The following MAGI1 variants were observed in gnomAD, a reference collection of about 807,000 sequenced individuals.
MAGI1 encodes the protein membrane-associated guanylate kinase, WW and PDZ domain-containing protein 1.
A neutral mutation model predicts 139.9 loss-of-function variants in MAGI1; 58 were observed. The observed-to-expected ratio is 0.41, with a 90% CI of 0.34 to 0.52. The LOEUF (loss-of-function observed/expected upper bound fraction) is 0.52, where lower values mean the gene tolerates loss of function less well. MAGI1 is among the 20% of genes least tolerant of loss of function. The pLI, the probability that MAGI1 is intolerant of heterozygous loss-of-function variation, is 0.12. For missense variants in MAGI1, 1,874 were observed against 1,901.6 expected (o/e 0.99, Z 0.27); for synonymous variants, 812 against 737.9 (o/e 1.10, Z -1.63).
chr3:65,517,825 C>T (rs574227672), intron 2 of MAGI1, among the ~76,000 whole-genome samples: 2 of 152,244 alleles, frequency 1.3e-5, no homozygotes, highest in Middle Eastern at 6.8e-3. Flanking sequence ...AAGTTATTTC[C>T]TTTGTGTGAC....
intron 1 of MAGI1, among the ~76,000 whole-genome samples, chr3:65,866,144 T>C (rs1281027549): frequency 6.6e-6 from 1 of 151,380 alleles, no homozygotes; most frequent in African/African-American, 2.4e-5. Flanking sequence ...ATGTAAATTA[T>C]ATAAAATATA....
intron 1 of MAGI1, among the ~76,000 whole-genome samples, chr3:65,817,315 T>C (rs2041666938): frequency 6.6e-6 from 1 of 152,232 alleles, no homozygotes; most frequent in East Asian, 1.9e-4. Flanking sequence ...AATTTAGAAA[T>C]GCTCTGCAGT....
intron 7 of MAGI1, among the ~76,000 whole-genome samples, chr3:65,445,853 G>A (rs766803421): frequency 1.3e-5 from 2 of 152,292 alleles, no homozygotes; most frequent in South Asian, 2.1e-4. Flanking sequence ...ATTACAAAGA[G>A]GGTTTCCTTG....
intron 2 of MAGI1, among the ~76,000 whole-genome samples, chr3:65,610,604 C>G (rs901440875): frequency 6.6e-6 from 1 of 151,064 alleles, no homozygotes; most frequent in Non-Finnish European, 1.5e-5. Flanking sequence ...GAATATGTAT[C>G]CCTCAAGTCA....
chr3:65,947,173 A>T (rs151001423), intron 1 of MAGI1, among the ~76,000 whole-genome samples: 2,222 of 152,276 alleles, frequency 0.015, 30 homozygotes, highest in East Asian at 0.042. Context: ...TTCTTCAAGG[A>T]AAGAGGATCC....
chr3:65,857,432 T>C lies in MAGI1; in HGVS notation c.313+180564A>G, dbSNP rs76518183. Among the ~76,000 whole-genome samples, 671 of 152,326 alleles carry C rather than the reference T, an allele frequency of 4.4e-3. 5 individuals are homozygous for C. Among genetic ancestry groups the C allele is most frequent in the African/African-American group, 0.015 (631 of 41,576 alleles). ...AATCAGAAGACTTTCTTAGCTATTC[T>C]CTAATTTACAACTGCTAATCTTTGC... On this transcript the variant is annotated intron_variant, in intron 1 of 22. Transcript: ENST00000402939.
chr3:65,433,308 C>T (rs1251273700), intron 10 of MAGI1, among the ~76,000 whole-genome samples: 1 of 151,942 alleles, frequency 6.6e-6, no homozygotes, highest in African/African-American at 2.4e-5. Context: ...TGAAAATGTG[C>T]CTGGCAGTTT....
At chr3:66,003,590 T>A (rs1235295499) in intron 1 of MAGI1, among the ~76,000 whole-genome samples, 3 of 150,568 alleles carry the variant, frequency 2.0e-5, no homozygotes, top group African/African-American at 7.3e-5. Context: ...CCTGAGTAGC[T>A]GGGATTACAG....
rs1164751227 is a variant in MAGI1 at position 65,353,832 on chromosome 3, TA to T, written c.*2545del. ...AAGGTTACAGCAGTTCAAAGAAAAC[TA>T]TATCTTTCTGCATAATGCATAGTCC... On this transcript the variant is annotated 3_prime_UTR_variant, in exon 23 of 23. Transcript: ENST00000402939. 1.3e-5 allele frequency: 2 copies of T among 152,204 alleles called. No homozygotes were observed. Among genetic ancestry groups the T allele is most frequent in the Non-Finnish European group, 2.9e-5 (2 of 68,046 alleles). The allele number at this position is 152,204 out of a possible 1,614,324, so 9.4% of individuals were successfully genotyped here. A position where few individuals can be genotyped will look rare whatever the true frequency, so the allele number is the denominator to read the frequency against.
intron 2 of MAGI1, among the ~76,000 whole-genome samples, chr3:65,522,198 A>G (rs1393150571): frequency 6.6e-6 from 1 of 152,190 alleles, no homozygotes; most frequent in East Asian, 1.9e-4. Flanking sequence ...CAACCCAATT[A>G]AAAAGAATTC....
intron 21 of MAGI1, among the ~76,000 whole-genome samples, chr3:65,362,967 C>G (rs1297069233): frequency 6.6e-6 from 1 of 152,214 alleles, no homozygotes; most frequent in Non-Finnish European, 1.5e-5. Context: ...ATTCATGCCA[C>G]AGAGCCCTGG....
chr3:65,546,284 GT>G (rs2079505871), intron 2 of MAGI1, among the ~76,000 whole-genome samples: 1 of 152,112 alleles, frequency 6.6e-6, no homozygotes, highest in Admixed American at 6.5e-5. Context: ...CCCCATGGAG[GT>G]GGTATCTCAG....
chr3:65,598,581 A>T (rs1446122975), intron 2 of MAGI1, among the ~76,000 whole-genome samples: 1 of 152,204 alleles, frequency 6.6e-6, no homozygotes, highest in African/African-American at 2.4e-5. Flanking sequence ...AAGACGATGG[A>T]GTGGCTTAGA....
intron 1 of MAGI1, among the ~76,000 whole-genome samples, chr3:65,738,639 A>C (rs548053820): frequency 2.0e-4 from 30 of 152,340 alleles, no homozygotes; most frequent in African/African-American, 7.0e-4. Flanking sequence ...TCCTTGATCC[A>C]TGGGCTGCAG....
At chr3:65,807,253 T>G (rs938930429) in intron 1 of MAGI1, among the ~76,000 whole-genome samples, 3 of 152,156 alleles carry the variant, frequency 2.0e-5, no homozygotes, top group African/African-American at 7.2e-5. Flanking sequence ...GCTGGGAAGA[T>G]CAAGATCAAC....
intron 1 of MAGI1, among the ~76,000 whole-genome samples, chr3:65,836,842 G>A (rs1258948482): frequency 1.3e-5 from 2 of 152,094 alleles, no homozygotes; most frequent in Admixed American, 6.6e-5. Flanking sequence ...GAGAAAGAGC[G>A]AGCTGTGCTT....
At chr3:65,499,862 G>C (rs188830869) in intron 2 of MAGI1, among the ~76,000 whole-genome samples, 2 of 152,262 alleles carry the variant, frequency 1.3e-5, no homozygotes, top group East Asian at 3.9e-4. Flanking sequence ...TCAGAAATGG[G>C]AAGAGATGAA....
intron 1 of MAGI1, among the ~76,000 whole-genome samples, chr3:65,991,956 A>G (rs1249068181): frequency 6.6e-6 from 1 of 152,198 alleles, no homozygotes; most frequent in Non-Finnish European, 1.5e-5. Context: ...CAGAGGTTGC[A>G]GTGAGCCGAG....
chr3:65,987,224 A>G (rs1188287780), intron 1 of MAGI1, among the ~76,000 whole-genome samples: 1 of 151,948 alleles, frequency 6.6e-6, no homozygotes, highest in Non-Finnish European at 1.5e-5. Flanking sequence ...TACACATTTC[A>G]CTCATGTGAC....
Sources: allele counts gnomAD v4.1 joint callset (sites outside exome capture counted in the v4.1 genomes callset), GRCh38; gene constraint gnomAD v4.1.1; transcripts MANE v1.5; gene names NCBI Gene and HGNC (gene_info 2026-07-23, HGNC 2026-07-21).